Variants in PDZRN4 observed in about 807,000 individuals in gnomAD.
The protein encoded by PDZRN4 is PDZ domain containing ring finger 4.
PDZRN4 carries 70 observed loss-of-function variants against 99.0 expected under a neutral mutation model. The ratio of observed to expected loss-of-function variants is 0.71; its 90% confidence interval spans 0.58 to 0.86. The LOEUF (loss-of-function observed/expected upper bound fraction) is 0.86. Ranked by LOEUF, PDZRN4 falls within the 40% of genes least tolerant of loss-of-function variation. The pLI is 0.00. For missense variants in PDZRN4, 1,474 were observed against 1,331.2 expected, an observed-to-expected ratio of 1.11 and a Z score of -1.67; for synonymous variants, 551 against 501.6, an observed-to-expected ratio of 1.10 and a Z score of -1.32.
intron 3 of PDZRN4, among the ~76,000 whole-genome samples, chr12:41,461,300 T>C (rs1233079121): frequency 6.6e-6 from 1 of 152,160 alleles, no homozygotes; most frequent in Non-Finnish European, 1.5e-5. Flanking sequence ...TCGTACAGAT[T>C]ATTTCACCAC....
intron 3 of PDZRN4, among the ~76,000 whole-genome samples, chr12:41,281,518 C>T (rs1216377769): frequency 6.6e-6 from 1 of 152,100 alleles, no homozygotes; most frequent in Non-Finnish European, 1.5e-5. Context: ...TAGAGAAGAA[C>T]ATAAATGACC....
intron 3 of PDZRN4, among the ~76,000 whole-genome samples, chr12:41,349,839 C>A (rs1378441882): frequency 6.6e-6 from 1 of 151,860 alleles, no homozygotes; most frequent in Admixed American, 6.6e-5. Context: ...GTGGTCATTT[C>A]TTCCTGCAGA....
intron 3 of PDZRN4, among the ~76,000 whole-genome samples, chr12:41,503,706 G>A (rs1938151112): frequency 6.6e-6 from 1 of 152,122 alleles, no homozygotes; most frequent in Admixed American, 6.6e-5. Flanking sequence ...ATGTAAGGCT[G>A]AGGAAAAATG....
Position 41,233,165 on chromosome 12 carries a change from C to G in PDZRN4, c.843+38977C>G, listed in dbSNP as rs1951040233. Among the ~76,000 whole-genome samples the G allele has an allele frequency of 5.3e-5, 8 of 152,100 alleles. No individual in the cohort carries two copies. In the South Asian group the frequency reaches 1.7e-3, roughly 32 times the overall value. On this transcript the variant is annotated intron_variant, in intron 3 of 9. Coordinates refer to ENST00000402685, the MANE Select transcript of PDZRN4 (RefSeq NM_001164595.2). ...CACTTCTCAAAAGAAGACATTTATG[C>G]AGCCAAAAAACACATGAAAAAATGC...
chr12:41,447,149 A>T (rs189056308), intron 3 of PDZRN4, among the ~76,000 whole-genome samples: 1 of 152,138 alleles, frequency 6.6e-6, no homozygotes, highest in African/African-American at 2.4e-5. Context: ...TAGAATATGT[A>T]TAAATATTGT....
intron 3 of PDZRN4, among the ~76,000 whole-genome samples, chr12:41,422,492 A>C (rs1437268437): frequency 6.6e-6 from 1 of 152,178 alleles, no homozygotes. Context: ...AACAAGGTTT[A>C]ATTGACTCAC....
chr12:41,516,409 A>G (rs1484243679), intron 5 of PDZRN4, among the ~76,000 whole-genome samples: 2 of 152,084 alleles, frequency 1.3e-5, no homozygotes, highest in Non-Finnish European at 2.9e-5. Context: ...TAAGTCCCCA[A>G]AACAAGTACA....
intron 3 of PDZRN4, among the ~76,000 whole-genome samples, chr12:41,425,081 C>T (rs1302053962): frequency 6.6e-6 from 1 of 152,068 alleles, no homozygotes; most frequent in African/African-American, 2.4e-5. Flanking sequence ...AAATAAAATA[C>T]TTTCAGTAAC....
chr12:41,306,938 C>T (rs1333203281), intron 3 of PDZRN4, among the ~76,000 whole-genome samples: 1 of 152,150 alleles, frequency 6.6e-6, no homozygotes, highest in African/African-American at 2.4e-5. Context: ...ACATTCTGTA[C>T]ATGATTATTT....
At chr12:41,499,947 A>G (rs1938081699) in intron 3 of PDZRN4, among the ~76,000 whole-genome samples, 2 of 152,002 alleles carry the variant, frequency 1.3e-5, no homozygotes, top group South Asian at 2.1e-4. Flanking sequence ...AAGGCATTCA[A>G]TTATCTTAGG....
intron 3 of PDZRN4, among the ~76,000 whole-genome samples, chr12:41,224,538 G>C (rs1029375292): frequency 4.6e-5 from 7 of 152,164 alleles, no homozygotes; most frequent in Non-Finnish European, 5.9e-5. Context: ...AAGTGATAGT[G>C]CTTTTAGTGG....
At chr12:41,450,422 T>A (rs924761332) in intron 3 of PDZRN4, among the ~76,000 whole-genome samples, 15 of 152,192 alleles carry the variant, frequency 9.9e-5, no homozygotes, top group African/African-American at 3.6e-4. Flanking sequence ...AGATTAATTT[T>A]CCATTCCACA....
chr12:41,315,809 G>C (rs755417093), intron 3 of PDZRN4, among the ~76,000 whole-genome samples: 140 of 152,024 alleles, frequency 9.2e-4, no homozygotes, highest in Non-Finnish European at 1.8e-3. Flanking sequence ...TACTTTTGCT[G>C]TTGTCCTAGC....
intron 3 of PDZRN4, among the ~76,000 whole-genome samples, chr12:41,220,605 G>C (rs915576676): frequency 6.6e-6 from 1 of 152,158 alleles, no homozygotes; most frequent in South Asian, 2.1e-4. Context: ...GGCTCCGAGA[G>C]GAGCTGATGC....
Position 41,560,160 on chromosome 12 carries a change from C to T in PDZRN4, c.1366-3388C>T, listed in dbSNP as rs117233292. On this transcript the variant is annotated intron_variant, in intron 7 of 9. Coordinates refer to ENST00000402685, the MANE Select transcript of PDZRN4 (RefSeq NM_001164595.2). ...ATCTATGTCTCTAGACTTTGATCACCTCCTTTGTCTCCATACTAAAATATA... is the reference window on the plus strand; with the variant it reads ...ATCTATGTCTCTAGACTTTGATCACTTCCTTTGTCTCCATACTAAAATATA... 1.2e-3 allele frequency among the ~76,000 whole-genome samples: 176 copies of T among 152,230 alleles called. 5 individuals are homozygous for T. The South Asian group carries it at 0.016, about 14-fold the overall frequency.
intron 3 of PDZRN4, among the ~76,000 whole-genome samples, chr12:41,401,839 A>G (rs1295566030): frequency 6.6e-6 from 1 of 151,682 alleles, no homozygotes; most frequent in Non-Finnish European, 1.5e-5. Context: ...TTCTCCCCAG[A>G]CCGTGCCAAA....
intron 5 of PDZRN4, among the ~76,000 whole-genome samples, chr12:41,538,939 A>G (rs1388642684): frequency 6.6e-6 from 1 of 152,012 alleles, no homozygotes; most frequent in Admixed American, 6.6e-5. Context: ...CTATACCATC[A>G]TTTATTTTGC....
At chr12:41,447,807 G>A (rs1486015749) in intron 3 of PDZRN4, among the ~76,000 whole-genome samples, 1 of 151,970 alleles carries the variant, frequency 6.6e-6, no homozygotes, top group Non-Finnish European at 1.5e-5. Context: ...AATACCAAAT[G>A]TCCCATTTCA....
At chr12:41,223,023 G>A (rs1000717230) in intron 3 of PDZRN4, among the ~76,000 whole-genome samples, 1 of 152,046 alleles carries the variant, frequency 6.6e-6, no homozygotes, top group South Asian at 2.1e-4. Context: ...TTATTAGCTT[G>A]GTGCAAAAGT....
Sources: allele counts gnomAD v4.1 joint callset (sites outside exome capture counted in the v4.1 genomes callset), GRCh38; gene constraint gnomAD v4.1.1; transcripts MANE v1.5; gene names NCBI Gene and HGNC (gene_info 2026-07-23, HGNC 2026-07-21).